The following ROBO2 variants were observed in gnomAD, a reference collection of about 807,000 sequenced individuals.
ROBO2 encodes the protein roundabout guidance receptor 2, also known as roundabout homolog 2.
In ROBO2, 53 loss-of-function variants were observed where a neutral mutation model predicts 160.8. That is an observed-to-expected ratio of 0.33 (90% CI 0.26 to 0.41). The LOEUF is 0.41. Among genes scored for constraint, ROBO2 ranks in the 10% least tolerant of loss-of-function variants. The probability of loss-of-function intolerance (pLI) is 1.00; values close to 1 mark genes in which losing one functional copy is unlikely to be tolerated. For missense variants in ROBO2, 1,577 were observed against 1,722.4 expected (o/e 0.92, Z 1.49); for synonymous variants, 664 against 611.7 (o/e 1.09, Z -1.26).
chr3:76,225,388 A>T (rs111301800), intron 2 of ROBO2, among the ~76,000 whole-genome samples: 1 of 152,184 alleles, frequency 6.6e-6, no homozygotes, highest in Admixed American at 6.5e-5. Context: ...ATTAAATTGT[A>T]TTCTTAGCTG....
At chr3:76,530,740 G>A (rs779125192) in intron 2 of ROBO2, among the ~76,000 whole-genome samples, 1 of 152,158 alleles carries the variant, frequency 6.6e-6, no homozygotes, top group Non-Finnish European at 1.5e-5. Context: ...GGAAGGTTGA[G>A]AGTTTGGGAA....
At chr3:77,033,298 A>G (rs564428617) in intron 2 of ROBO2, among the ~76,000 whole-genome samples, 1 of 152,186 alleles carries the variant, frequency 6.6e-6, no homozygotes, top group Non-Finnish European at 1.5e-5. Context: ...GTTAGATTAG[A>G]GAAGACTAAT....
intron 2 of ROBO2, among the ~76,000 whole-genome samples, chr3:77,246,163 C>T (rs114950558): frequency 9.7e-4 from 148 of 152,206 alleles, no homozygotes; most frequent in African/African-American, 3.3e-3. Context: ...CTTCCTGCCT[C>T]ATGGGTAAAT....
chr3:76,676,474 C>T (rs756293552), intron 2 of ROBO2, among the ~76,000 whole-genome samples: 4 of 152,088 alleles, frequency 2.6e-5, no homozygotes, highest in Non-Finnish European at 5.9e-5. Flanking sequence ...AGCGTGAAAA[C>T]GGACTAATAC....
rs2107324666 is a variant in ROBO2, at chr3:75,966,948, G to A, written c.109+29346G>A. 2.0e-5 allele frequency among the ~76,000 whole-genome samples: 3 copies of A among 151,710 alleles called. 1 individual carries two copies. Among genetic ancestry groups the A allele is most frequent in the Admixed American group, 2.0e-4 (3 of 15,174 alleles). On this transcript the variant is annotated intron_variant, in intron 2 of 26. Transcript: ENST00000487694. ...ATTTGACCTTCGGTCTCTACAGATA[G>A]TTTATCAACACACTGCTACACATAG...
At chr3:77,209,065 G>A (rs1474946332) in intron 2 of ROBO2, among the ~76,000 whole-genome samples, 1 of 152,124 alleles carries the variant, frequency 6.6e-6, no homozygotes, top group Non-Finnish European at 1.5e-5. Context: ...TCTTTGAAAA[G>A]CAGGCACGAT....
intron 2 of ROBO2, among the ~76,000 whole-genome samples, chr3:77,358,870 C>T (rs1205388729): frequency 6.6e-6 from 1 of 152,134 alleles, no homozygotes; most frequent in African/African-American, 2.4e-5. Context: ...GAATAAATGA[C>T]CTTTTGGTAA....
At chr3:76,149,323 A>G (rs2072051805) in intron 2 of ROBO2, among the ~76,000 whole-genome samples, 1 of 152,068 alleles carries the variant, frequency 6.6e-6, no homozygotes, top group Non-Finnish European at 1.5e-5. Flanking sequence ...TTAGAACACA[A>G]CACAAGACCG....
intron 2 of ROBO2, among the ~76,000 whole-genome samples, chr3:76,791,879 T>G (rs1320327470): frequency 6.6e-6 from 1 of 151,788 alleles, no homozygotes; most frequent in Admixed American, 6.6e-5. Context: ...AAATACAGTA[T>G]AACAGCTATT....
intron 2 of ROBO2, among the ~76,000 whole-genome samples, chr3:77,310,380 G>A (rs1167791013): frequency 6.6e-6 from 1 of 152,144 alleles, no homozygotes; most frequent in African/African-American, 2.4e-5. Flanking sequence ...TGTTTTTGAA[G>A]ACCCATTTCG....
chr3:76,870,840 A>T (rs2071962239), intron 2 of ROBO2, among the ~76,000 whole-genome samples: 9 of 152,162 alleles, frequency 5.9e-5, no homozygotes, highest in Non-Finnish European at 1.5e-5. Context: ...TTCATTGCAT[A>T]CCCACGTTGA....
At chr3:77,007,941 C>T (rs960946194) in intron 2 of ROBO2, among the ~76,000 whole-genome samples, 6 of 151,816 alleles carry the variant, frequency 4.0e-5, no homozygotes, top group African/African-American at 1.5e-4. Context: ...AAATGAATTT[C>T]AACACTGCAT....
chr3:76,972,447 T>C (rs2059618023), intron 2 of ROBO2, among the ~76,000 whole-genome samples: 1 of 152,172 alleles, frequency 6.6e-6, no homozygotes, highest in African/African-American at 2.4e-5. Flanking sequence ...AAGGCGTTGA[T>C]TATATTTTAT....
At position 77,087,702 on chromosome 3, in the gene ROBO2, A is replaced by T. The variant is rs537591004; in HGVS notation, c.62-10312A>T. 5.3e-5 allele frequency among the ~76,000 whole-genome samples: 8 copies of T among 152,044 alleles called. No individual in the cohort carries two copies. In the South Asian group the frequency reaches 1.7e-3, roughly 32 times the overall value. On this transcript the variant is annotated intron_variant, in intron 1 of 25. Coordinates refer to ENST00000461745, the Ensembl canonical transcript of ROBO2. ...TATACATGTGTGTGTATATACAGAT[A>T]TACACACATATATACATGTACACAT... is the stretch of plus-strand genomic sequence containing the variant.
At chr3:76,618,440 TATATATATAA>T (rs2088773562) in intron 2 of ROBO2, among the ~76,000 whole-genome samples, 1 of 150,288 alleles carries the variant, frequency 6.7e-6, no homozygotes, top group South Asian at 2.1e-4. Context: ...AAATAGGATA[TATATATATAA>T]ATATATATAT....
chr3:76,469,826 C>A (rs932877427), intron 2 of ROBO2, among the ~76,000 whole-genome samples: 1 of 152,090 alleles, frequency 6.6e-6, no homozygotes, highest in African/African-American at 2.4e-5. Context: ...GAGATGATGT[C>A]ATTAAATTTT....
At chr3:76,502,355 T>TG (rs1345513599) in intron 2 of ROBO2, among the ~76,000 whole-genome samples, 1 of 152,166 alleles carries the variant, frequency 6.6e-6, no homozygotes, top group African/African-American at 2.4e-5. Context: ...AACAAATTTG[T>TG]GGCAATATGT....
chr3:76,563,837 T>A (rs938152435), intron 2 of ROBO2, among the ~76,000 whole-genome samples: 1 of 152,208 alleles, frequency 6.6e-6, no homozygotes, highest in African/African-American at 2.4e-5. Context: ...AACTTAAATT[T>A]AAAAAATAAT....
chr3:77,382,632 C>T (rs1038838649), intron 2 of ROBO2, among the ~76,000 whole-genome samples: 1 of 152,130 alleles, frequency 6.6e-6, no homozygotes, highest in Non-Finnish European at 1.5e-5. Flanking sequence ...TTTGCATCCC[C>T]ATAGCTTACC....
Sources: gnomAD v4.1 joint callset for allele counts (sites outside exome capture counted in the v4.1 genomes callset) on GRCh38, gnomAD v4.1.1 for gene constraint, MANE v1.5 for transcripts, NCBI Gene and HGNC (gene_info 2026-07-23, HGNC 2026-07-21) for gene names.